Variants in ZNF131 observed in about 807,000 individuals in gnomAD.
ZNF131 encodes the protein zinc finger protein 131.
Under a neutral mutation model 60.0 loss-of-function variants are expected in ZNF131, and 7 were observed. The ratio of observed to expected loss-of-function variants is 0.12; its 90% confidence interval spans 0.07 to 0.22. The LOEUF is 0.22. ZNF131 is among the 10% of genes least tolerant of loss of function. The probability of loss-of-function intolerance (pLI) is 1.00; values close to 1 mark genes in which losing one functional copy is unlikely to be tolerated. For missense variants in ZNF131, 493 were observed against 740.9 expected (o/e 0.67, Z 3.88); for synonymous variants, 257 against 253.2 (o/e 1.01, Z -0.14).
chr5:43,163,732 T>G (rs995910638), intron 5 of ZNF131, among the ~76,000 whole-genome samples: 4 of 152,224 alleles, frequency 2.6e-5, no homozygotes, highest in Non-Finnish European at 5.9e-5. Context: ...TGTTCCCAAG[T>G]CTTTGTTATA....
intron 4 of ZNF131, among the ~76,000 whole-genome samples, chr5:43,153,097 A>G (rs1394275488): frequency 1.3e-5 from 2 of 152,114 alleles, no homozygotes; most frequent in African/African-American, 4.8e-5. Context: ...GAGACCCATT[A>G]TGTTTCCCAC....
At chr5:43,147,730 G>GT (rs1321978392) in intron 4 of ZNF131, among the ~76,000 whole-genome samples, 3 of 145,510 alleles carry the variant, frequency 2.1e-5, no homozygotes, top group South Asian at 4.5e-4. Context: ...CAGTTTGGAA[G>GT]TTTAAAAAAA....
chr5:43,140,120 TGGG>T (rs1561405556), intron 4 of ZNF131, among the ~76,000 whole-genome samples: 1 of 151,284 alleles, frequency 6.6e-6, no homozygotes, highest in East Asian at 1.9e-4. Context: ...GGAGCTGAGG[TGGG>T]AGGGGAGGAT....
chr5:43,133,855 G>T (rs145545961), intron 3 of ZNF131, among the ~76,000 whole-genome samples: 43 of 152,330 alleles, frequency 2.8e-4, no homozygotes, highest in African/African-American at 9.4e-4. Context: ...AGTGTGAACA[G>T]ATGTACAACT....
rs570313526 is a variant in ZNF131 at position 43,130,264 on chromosome 5, C to CAAAA, written c.226+6969_226+6972dup. On this transcript the variant is annotated intron_variant, in intron 3 of 6. Coordinates refer to ENST00000682664, the MANE Select transcript of ZNF131 (RefSeq NM_001330707.2). The stretch of plus-strand genomic sequence containing the variant: ...GAGCGATAGAGTAAGACTCTGTCTC[C>CAAAA]AAAAAAAAAAAAAAAAAAGAGGAAA... Among the ~76,000 whole-genome samples, 96 of 68,390 alleles carry CAAAA rather than the reference C, an allele frequency of 1.4e-3. 1 individual carries two copies. The East Asian group carries it at 0.019, about 13-fold the overall frequency. The allele number at this position is 68,390 out of a possible 152,430, so 44.9% of individuals were successfully genotyped here.
At chr5:43,159,943 A>G (rs1006693806) in intron 4 of ZNF131, among the ~76,000 whole-genome samples, 2 of 152,064 alleles carry the variant, frequency 1.3e-5, no homozygotes, top group South Asian at 2.1e-4. Flanking sequence ...GGGGGAGGCC[A>G]AGGCGGGCAG....
intron 4 of ZNF131, among the ~76,000 whole-genome samples, chr5:43,145,577 C>T (rs111347494): frequency 0.18 from 27,836 of 151,900 alleles, 2,965 homozygotes; most frequent in Middle Eastern, 0.33. Flanking sequence ...CGCTTGAATC[C>T]GGGAGGCGGA....
chr5:43,160,326 G>A (rs773349840), intron 4 of ZNF131, among the ~76,000 whole-genome samples: 1 of 151,952 alleles, frequency 6.6e-6, no homozygotes, highest in African/African-American at 2.4e-5. Context: ...GACATAGTGA[G>A]ACCTCGATTC....
At chr5:43,127,963 C>G (rs541661203) in intron 3 of ZNF131, among the ~76,000 whole-genome samples, 1 of 152,210 alleles carries the variant, frequency 6.6e-6, no homozygotes, top group Non-Finnish European at 1.5e-5. Context: ...CCCCTACTAT[C>G]AAGAACAAAA....
chr5:43,146,383 G>A (rs1473975905), intron 4 of ZNF131, among the ~76,000 whole-genome samples: 2 of 152,046 alleles, frequency 1.3e-5, no homozygotes, highest in Admixed American at 6.6e-5. Flanking sequence ...TCAGGAGATC[G>A]AGACCATCCT....
chr5:43,169,649 T>TTA (rs1750743073), intron 5 of ZNF131, among the ~76,000 whole-genome samples: 1 of 152,238 alleles, frequency 6.6e-6, no homozygotes, highest in Admixed American at 6.5e-5. Context: ...CATCAACTAC[T>TTA]ATTGATGAAC....
chr5:43,161,763 C>G lies in ZNF131; in HGVS notation c.886C>G (p.Arg296Gly). ...TTTCAAGTGTGAAATATGCAATAAACGATATCTTCGAGAGAGCGCATGGAA... is the reference window on the plus strand; with the variant it reads ...TTTCAAGTGTGAAATATGCAATAAAGGATATCTTCGAGAGAGCGCATGGAA... ...ESFKCEICNK[R>G]YLRESAWKQH... is the part of the protein sequence containing the mutation. Residue 296 changes from arginine to glycine, a missense_variant, in exon 5 of 7, where the codon CGA becomes GGA. Arg to Gly is a moderately radical substitution (Grantham distance 125, BLOSUM62 -2). Coordinates refer to ENST00000682664, the MANE Select transcript of ZNF131 (RefSeq NM_001330707.2). The G allele has an allele frequency of 6.2e-7, 1 of 1,614,166 alleles. No individual in the cohort carries two copies. Among genetic ancestry groups the G allele is most frequent in the Non-Finnish European group, 8.5e-7 (1 of 1,180,034 alleles).
intron 3 of ZNF131, among the ~76,000 whole-genome samples, chr5:43,137,576 C>CA (rs35143949): frequency 0.3 from 42,049 of 142,512 alleles, 6,326 homozygotes; most frequent in East Asian, 0.64. Flanking sequence ...GGATGGCTAT[C>CA]AAAAAAAAAA....
chr5:43,154,019 A>G (rs2022240035), intron 4 of ZNF131, among the ~76,000 whole-genome samples: 1 of 152,178 alleles, frequency 6.6e-6, no homozygotes, highest in African/African-American at 2.4e-5. Flanking sequence ...TGCAGATGGT[A>G]TAGAAAGGTG....
chr5:43,172,922 T>TA (rs569760536), intron 5 of ZNF131, among the ~76,000 whole-genome samples: 277 of 152,306 alleles, frequency 1.8e-3, no homozygotes, highest in African/African-American at 6.6e-3. Flanking sequence ...TTTATCTTCT[T>TA]ACCTTCATCA....
intron 4 of ZNF131, among the ~76,000 whole-genome samples, chr5:43,147,780 TGTGGTG>T (rs1430105641): frequency 6.8e-6 from 1 of 146,672 alleles, no homozygotes; most frequent in Non-Finnish European, 1.5e-5. Context: ...TATGGCCGGG[TGTGGTG>T]GTTTATGCCT....
rs1554064579 is a variant in ZNF131, at chr5:43,134,697, T to TTTTC, written c.227-4465_227-4464insCTTT. ...GTCAGTTGCTTTTCTTTTTTTCTTT[T>TTTTC]TTTTTTTTTTTTTTTTTTGGGAGAC... On this transcript the variant is annotated intron_variant, in intron 3 of 6. Transcript: ENST00000682664. Among the ~76,000 whole-genome samples the TTTTC allele has an allele frequency of 5.9e-5, 8 of 135,070 alleles. No homozygotes were observed. In the South Asian group the frequency reaches 9.8e-4, roughly 16 times the overall value. 88.6% of individuals were successfully genotyped at this position (135,070 alleles called of 152,430 possible).
intron 3 of ZNF131, among the ~76,000 whole-genome samples, chr5:43,127,745 A>G (rs1579711374): frequency 6.6e-6 from 1 of 152,228 alleles, no homozygotes; most frequent in African/African-American, 2.4e-5. Flanking sequence ...ATTGAAGCTA[A>G]TTGGATCCCA....
intron 4 of ZNF131, among the ~76,000 whole-genome samples, chr5:43,151,641 G>T (rs1748327128): frequency 6.6e-6 from 1 of 151,986 alleles, no homozygotes; most frequent in Non-Finnish European, 1.5e-5. Flanking sequence ...CTCCATGTTG[G>T]CCAGACGGGT....
Sources: gnomAD v4.1 joint callset for allele counts (sites outside exome capture counted in the v4.1 genomes callset) on GRCh38, gnomAD v4.1.1 for gene constraint, MANE v1.5 for transcripts, NCBI Gene and HGNC (gene_info 2026-07-23, HGNC 2026-07-21) for gene names.